The following NCAM1 variants were observed in gnomAD, a reference collection of about 807,000 sequenced individuals.
NCAM1 encodes antigen recognized by monoclonal antibody 5.1H11.
Under a neutral mutation model 109.8 loss-of-function variants are expected in NCAM1, and 14 were observed. That is an observed-to-expected ratio of 0.13 (90% confidence interval 0.08 to 0.20). NCAM1 has a LOEUF of 0.20. Among genes scored for constraint, NCAM1 ranks in the 10% least tolerant of loss-of-function variants. The pLI is 1.00. For missense variants in NCAM1, 774 were observed against 1,109.9 expected, an observed-to-expected ratio of 0.70 and a Z score of 4.30; for synonymous variants, 418 against 442.9, an observed-to-expected ratio of 0.94 and a Z score of 0.70.
At chr11:113,152,997 G>T (rs1353964312) in intron 1 of NCAM1, among the ~76,000 whole-genome samples, 2 of 152,194 alleles carry the variant, frequency 1.3e-5, no homozygotes, top group East Asian at 3.9e-4. Context: ...TTCAATTGCT[G>T]GTAGTTCAGG....
chr11:112,997,942 A>G (rs1482429072), intron 1 of NCAM1, among the ~76,000 whole-genome samples: 10 of 152,148 alleles, frequency 6.6e-5, no homozygotes, highest in Admixed American at 6.6e-4. Context: ...GATCCTTTCC[A>G]GTGGTTTGCC....
Position 113,277,467 on chromosome 11 carries a change from A to C in NCAM1, c.*2080A>C, listed in dbSNP as rs1289760625. The C allele has an allele frequency of 1.3e-5, 5 of 398,868 alleles. No homozygotes were observed. The highest frequency in any genetic ancestry group is 7.1e-5 in the East Asian group (2 of 28,080). 24.7% of individuals were successfully genotyped at this position (398,868 alleles called of 1,614,324 possible). On this transcript the variant is annotated 3_prime_UTR_variant, in exon 20 of 20. Transcript: ENST00000316851. ...CCTCAGAATAGAGGAACATGAAGAGAGATCTTAGAGCACACAGTAGAATGT... is the reference window on the plus strand; with the variant it reads ...CCTCAGAATAGAGGAACATGAAGAGCGATCTTAGAGCACACAGTAGAATGT...
intron 1 of NCAM1, among the ~76,000 whole-genome samples, chr11:113,163,440 C>T (rs969005203): frequency 4.6e-5 from 7 of 152,116 alleles, no homozygotes; most frequent in Non-Finnish European, 1.0e-4. Context: ...TCTGTGGTTT[C>T]GCTATTGACC....
chr11:113,165,774 G>T (rs1366753760), intron 1 of NCAM1, among the ~76,000 whole-genome samples: 1 of 151,580 alleles, frequency 6.6e-6, no homozygotes, highest in African/African-American at 2.4e-5. Flanking sequence ...CTGGCTTCTC[G>T]CCTGGTCCGG....
At chr11:113,093,775 T>C (rs137936093) in intron 1 of NCAM1, among the ~76,000 whole-genome samples, 1 of 152,292 alleles carries the variant, frequency 6.6e-6, no homozygotes, top group East Asian at 1.9e-4. Flanking sequence ...AGTAAGCAGA[T>C]GGATTGGAGC....
intron 14 of NCAM1, 180 bp downstream of exon 14, chr11:113,235,344 C>G (rs1475099192): frequency 7.7e-7 from 1 of 1,292,518 alleles, no homozygotes; most frequent in South Asian, 1.2e-5. Flanking sequence ...AACACACAGT[C>G]CCTTCATTCT....
intron 17 of NCAM1, among the ~76,000 whole-genome samples, chr11:113,268,325 G>A (rs1946183403): frequency 6.6e-6 from 1 of 152,352 alleles, no homozygotes; most frequent in African/African-American, 2.4e-5. Flanking sequence ...TGCTGCCAAA[G>A]CCCAGAGACA....
At chr11:113,185,085 G>T (rs71466734) in intron 1 of NCAM1, among the ~76,000 whole-genome samples, 84,256 of 112,228 alleles carry the variant, frequency 0.75, 30,174 homozygotes, top group Middle Eastern at 0.83. Context: ...TATATAGAGA[G>T]AGAGAGAGAG....
intron 1 of NCAM1, among the ~76,000 whole-genome samples, chr11:113,069,691 T>G (rs1456665381): frequency 6.6e-6 from 1 of 152,142 alleles, no homozygotes; most frequent in African/African-American, 2.4e-5. Context: ...TATGAGGCAA[T>G]GGCTATGGAG....
chr11:113,179,079 C>T (rs35107553), intron 1 of NCAM1, among the ~76,000 whole-genome samples: 65,041 of 152,068 alleles, frequency 0.43, 16,337 homozygotes, highest in South Asian at 0.63. Context: ...TGAAATTTCA[C>T]GGTGGGAGGA....
chr11:113,176,770 G>A (rs112624052), intron 1 of NCAM1, among the ~76,000 whole-genome samples: 1,539 of 152,102 alleles, frequency 0.01, 12 homozygotes, highest in Non-Finnish European at 0.014. Context: ...GCTATGGGAT[G>A]GAGCCAAATT....
intron 1 of NCAM1, among the ~76,000 whole-genome samples, chr11:113,043,394 A>G (rs1953145978): frequency 6.6e-6 from 1 of 151,966 alleles, no homozygotes; most frequent in Non-Finnish European, 1.5e-5. Context: ...CTGGAGTGCA[A>G]TGGCATGATC....
intron 3 of NCAM1, 45 bp from the exon 4 acceptor site, chr11:113,205,478 T>A: frequency 6.3e-7 from 1 of 1,581,270 alleles, no homozygotes. Context: ...GGGTTCTTTG[T>A]GAGAGAAGCA....
chr11:112,970,036 T>G (rs541981767), intron 1 of NCAM1, among the ~76,000 whole-genome samples: 2 of 151,992 alleles, frequency 1.3e-5, no homozygotes, highest in East Asian at 3.9e-4. Context: ...TGAAGGTAAA[T>G]AGGGAGAGAG....
intron 1 of NCAM1, among the ~76,000 whole-genome samples, chr11:113,137,817 G>A (rs1237716323): frequency 1.3e-5 from 2 of 152,138 alleles, no homozygotes; most frequent in East Asian, 3.9e-4. Flanking sequence ...TACATATATA[G>A]ACACACACTC....
intron 17 of NCAM1, chr11:113,269,538 G>T (rs1487621782): frequency 6.5e-6 from 1 of 153,094 alleles, no homozygotes; most frequent in Non-Finnish European, 1.5e-5. Context: ...GCCTGGGGAG[G>T]CCTCCATGTC....
intron 1 of NCAM1, among the ~76,000 whole-genome samples, chr11:113,051,143 C>G (rs556108121): frequency 5.3e-5 from 8 of 152,262 alleles, no homozygotes; most frequent in Admixed American, 1.3e-4. Context: ...ATTTGTGGTA[C>G]TTGTCAAATA....
chr11:113,206,415 T>C (rs183215360), intron 5 of NCAM1, among the ~76,000 whole-genome samples: 2 of 151,742 alleles, frequency 1.3e-5, no homozygotes, highest in African/African-American at 2.4e-5. Context: ...AGCAACTGAA[T>C]GTCCTTCACC....
intron 1 of NCAM1, among the ~76,000 whole-genome samples, chr11:113,174,379 G>A (rs1943085460): frequency 6.6e-6 from 1 of 152,072 alleles, no homozygotes; most frequent in Non-Finnish European, 1.5e-5. Flanking sequence ...TAGTAATGTT[G>A]GTGCAAAAGT....
Sources: allele counts gnomAD v4.1 joint callset (sites outside exome capture counted in the v4.1 genomes callset), GRCh38; gene constraint gnomAD v4.1.1; transcripts MANE v1.5; gene names NCBI Gene and HGNC (gene_info 2026-07-23, HGNC 2026-07-21).